INTS6: variants seen among roughly 807,000 people sequenced by gnomAD.
INTS6 encodes the protein integrator complex subunit 6.
INTS6 carries 16 observed loss-of-function variants against 104.9 expected under a neutral mutation model. The ratio of observed to expected loss-of-function variants is 0.15; its 90% CI spans 0.10 to 0.23. The LOEUF (loss-of-function observed/expected upper bound fraction) is 0.23, where lower values mean the gene tolerates loss of function less well. INTS6 is among the 10% of genes least tolerant of loss of function. The pLI is 1.00. For synonymous variants in INTS6, 324 were observed against 358.7 expected (o/e 0.90, Z 1.09); for missense variants, 584 against 1,062.8 (o/e 0.55, Z 6.26).
At chr13:51,355,235 AT>A (rs1955462254) in intron 3 of INTS6, 1 of 515,408 alleles carries the variant, frequency 1.9e-6, no homozygotes, top group African/African-American at 2.6e-5. Context: ...CAGAGTCAAC[AT>A]TATGTAAAAG....
chr13:51,373,766 C>A (rs1257661772), intron 15 of INTS6, among the ~76,000 whole-genome samples: 1 of 152,178 alleles, frequency 6.6e-6, no homozygotes, highest in Non-Finnish European at 1.5e-5. Flanking sequence ...ATTCAACATA[C>A]TTCCAATATC....
intron 15 of INTS6, among the ~76,000 whole-genome samples, chr13:51,372,321 T>A (rs1158475993): frequency 3.4e-5 from 5 of 148,378 alleles, no homozygotes; most frequent in Admixed American, 1.3e-4. Context: ...TTTTTTTTTT[T>A]AAAGTATTTG....
intron 13 of INTS6, among the ~76,000 whole-genome samples, chr13:51,375,099 C>T (rs1335738438): frequency 1.3e-5 from 2 of 152,048 alleles, no homozygotes; most frequent in Non-Finnish European, 2.9e-5. Context: ...GCCTGTAATC[C>T]CAGCACTTCG....
downstream of INTS6, among the ~76,000 whole-genome samples, chr13:51,353,018 G>T (rs77223310): frequency 8.5e-3 from 1,291 of 152,192 alleles, 17 homozygotes; most frequent in African/African-American, 0.029. Flanking sequence ...TGAAGATTTT[G>T]CATCTATATT....
chr13:51,383,644 G>T lies in INTS6; in HGVS notation c.992C>A (p.Pro331His). 6.2e-7 allele frequency: 1 copy of T among 1,613,976 alleles called. No homozygotes were observed. Among genetic ancestry groups the T allele is most frequent in the Non-Finnish European group, 8.5e-7 (1 of 1,179,930 alleles). The change falls in exon 8 of 18, where the codon CCT (proline) becomes CAT (histidine). Residue 331 changes from proline (P) to histidine (H), a missense_variant. Transcript: ENST00000311234. ...CAGGATAAATTGAGTCAGTGGTGAA[G>T]GTTCCAACTCATATTTGTCAAAAGG... The part of the protein sequence containing the change: ...KLPFDKYELE[P>H]SPLTQFILER...
At chr13:51,344,288 CCA>C in the INTS6 span, 8 of 1,613,794 alleles carry the variant, frequency 5.0e-6, no homozygotes, top group Middle Eastern at 3.3e-4. Flanking sequence ...GCTGTTTATG[CCA>C]CACTACCCAC....
At chr13:51,379,712 T>C (rs1343879181) in intron 10 of INTS6, 140 bp from the exon 11 acceptor site, 2 of 448,346 alleles carry the variant, frequency 4.5e-6, no homozygotes, top group African/African-American at 2.0e-5. Flanking sequence ...ATCGTATTTA[T>C]GTTTCAGTAA....
chr13:51,442,553 C>T (rs1424058435), intron 3 of INTS6: 2 of 152,346 alleles, frequency 1.3e-5, no homozygotes, highest in Admixed American at 6.5e-5. Context: ...GGTTTATCCC[C>T]TAGATCGGGG....
At chr13:51,358,065 A>C (rs1436710215), downstream of INTS6, among the ~76,000 whole-genome samples, 1 of 152,006 alleles carries the variant, frequency 6.6e-6, no homozygotes, top group East Asian at 1.9e-4. Flanking sequence ...AGAGGAGACA[A>C]ATGGAGAAAG....
intron 4 of INTS6, among the ~76,000 whole-genome samples, chr13:51,426,272 T>C (rs1695685745): frequency 6.6e-6 from 1 of 152,014 alleles, no homozygotes; most frequent in African/African-American, 2.4e-5. Context: ...ACAAACAAGT[T>C]ATAAGAAATT....
chr13:51,392,740 A>G (rs1593698827), intron 5 of INTS6, among the ~76,000 whole-genome samples: 1 of 152,300 alleles, frequency 6.6e-6, no homozygotes, highest in East Asian at 1.9e-4. Context: ...CTACTACAAT[A>G]GTAGTAGGTA....
At chr13:51,396,450 A>G (rs777429184) in intron 4 of INTS6, among the ~76,000 whole-genome samples, 19 of 152,178 alleles carry the variant, frequency 1.2e-4, no homozygotes, top group Non-Finnish European at 2.8e-4. Context: ...CATCTTAAAA[A>G]GTTTTAAATG....
In INTS6 at chr13:51,383,378, G is replaced by T. The variant is rs755429773; in HGVS notation, c.1131C>A (p.Val377=). Reference sequence around the variant, plus strand: ...AATTGTAAGGCATCACAAATAAGTTGACACAGTTCAGTGCTGTACTGGCTT... The same window carrying T: ...AATTGTAAGGCATCACAAATAAGTTTACACAGTTCAGTGCTGTACTGGCTT... ...YLKASTALNC[V]NLFVMPYNYP... is the part of the protein sequence containing the mutation. The change falls in exon 9 of 18, where the codon GTC becomes GTA. Residue 377 remains valine, a synonymous_variant. Coordinates refer to ENST00000311234, the MANE Select transcript of INTS6 (RefSeq NM_012141.3). 1 of 1,613,672 alleles carries T rather than the reference G, an allele frequency of 6.2e-7. No homozygotes were observed. The highest frequency in any genetic ancestry group is 8.5e-7 in the Non-Finnish European group (1 of 1,179,826).
In INTS6 at chr13:51,384,544, T is replaced by C. The variant is rs116231242; in HGVS notation, c.895-803A>G. The C allele has an allele frequency of 4.8e-4, 213 of 442,998 alleles. 1 individual carries two copies. The highest frequency in any genetic ancestry group is 4.0e-3 in the African/African-American group (198 of 49,970). The allele number at this position is 442,998 out of a possible 1,614,324, so 27.4% of individuals were successfully genotyped here. A position where few individuals can be genotyped will look rare whatever the true frequency, so the allele number is the denominator to read the frequency against. On this transcript the variant is annotated intron_variant, in intron 7 of 17. Transcript: ENST00000311234. ...CCAGATGGCTCCTATTTCTCTGCTG[T>C]ATCTAACTACCCACTAGACATAACC... is the stretch of plus-strand genomic sequence containing the variant.
intron 5 of INTS6, among the ~76,000 whole-genome samples, chr13:51,390,087 T>A (rs1323153716): frequency 6.6e-6 from 1 of 152,060 alleles, no homozygotes; most frequent in East Asian, 1.9e-4. Context: ...TACTTTTGGT[T>A]CAGAAGCATT....
Position 51,365,827 on chromosome 13 carries a change from T to A in INTS6, c.2589A>T (p.Leu863=), listed in dbSNP as rs751645889. 6.9e-6 allele frequency: 11 copies of A among 1,600,774 alleles called. No homozygotes were observed. The South Asian group carries it at 1.2e-4, about 18-fold the overall frequency. ...KEASRFKKRM[L]IEQLENFLDE... Reference sequence around the variant, plus strand: ...CCAAGAAGTTCTCCAGTTGTTCTATTAGCATTCGTTTTTTAAACCTGTATG... The same window carrying A: ...CCAAGAAGTTCTCCAGTTGTTCTATAAGCATTCGTTTTTTAAACCTGTATG... The change falls in exon 18 of 18, where the codon CTA becomes CTT. Residue 863 remains leucine, a synonymous_variant. Transcript: ENST00000311234.
chr13:51,351,302 T>C (rs773377706), downstream of INTS6, among the ~76,000 whole-genome samples: 3 of 152,192 alleles, frequency 2.0e-5, no homozygotes, highest in Non-Finnish European at 2.9e-5. Flanking sequence ...CACATCCTTG[T>C]CAACACTTGT....
chr13:51,387,772 G>A (rs1956166752), intron 6 of INTS6, among the ~76,000 whole-genome samples: 1 of 152,074 alleles, frequency 6.6e-6, no homozygotes, highest in African/African-American at 2.4e-5. Context: ...CAGTTCAAAG[G>A]AGGTCCGCAG....
At chr13:51,350,159 G>T (rs2137789601), downstream of INTS6, among the ~76,000 whole-genome samples, 1 of 152,200 alleles carries the variant, frequency 6.6e-6, no homozygotes. Flanking sequence ...GCACACTGTG[G>T]GTAGCAATGC....
Sources: allele counts gnomAD v4.1 joint callset (sites outside exome capture counted in the v4.1 genomes callset), GRCh38; gene constraint gnomAD v4.1.1; transcripts MANE v1.5; gene names NCBI Gene and HGNC (gene_info 2026-07-23, HGNC 2026-07-21).